The following CD38 variants were observed in gnomAD, a reference collection of about 807,000 sequenced individuals.
CD38 encodes the protein CD38 molecule.
CD38 carries 31 observed loss-of-function variants against 36.3 expected under a neutral mutation model. The ratio of observed to expected loss-of-function variants is 0.85; its 90% CI spans 0.64 to 1.15. The LOEUF (loss-of-function observed/expected upper bound fraction) is 1.15. Ranked by LOEUF, CD38 falls within the 50% of genes most tolerant of loss-of-function variation. The probability of loss-of-function intolerance (pLI) is 0.00; values close to 1 mark genes in which losing one functional copy is unlikely to be tolerated. For missense variants in CD38, 380 were observed against 371.9 expected (o/e 1.02, Z -0.18); for synonymous variants, 131 against 135.2 (o/e 0.97, Z 0.22).
intron 1 of CD38, among the ~76,000 whole-genome samples, chr4:15,803,797 TCCTC>T (rs1378829892): frequency 6.6e-6 from 1 of 152,066 alleles, no homozygotes; most frequent in Non-Finnish European, 1.5e-5. Flanking sequence ...AACCCTTCCT[TCCTC>T]CTTCCCTCCC....
chr4:15,789,420 G>T (rs1041680227), intron 1 of CD38, among the ~76,000 whole-genome samples: 1 of 152,148 alleles, frequency 6.6e-6, no homozygotes, highest in African/African-American at 2.4e-5. Context: ...TCAGTTCAAA[G>T]AACATCTTGA....
chr4:15,842,005 G>A (rs1046711894), intron 7 of CD38, among the ~76,000 whole-genome samples: 1 of 142,882 alleles, frequency 7.0e-6, no homozygotes, highest in Non-Finnish European at 1.5e-5. Flanking sequence ...CATTGCCCAG[G>A]CTTGATTAGG....
rs2148930725 is a variant in CD38 at position 15,850,445 on chromosome 4, T to C, written c.*1843T>C. ...GCATTTCTGGATTCATATTTTGACA[T>C]CATGCTGTCATCTTGAACAAAATGC... On this transcript the variant is annotated 3_prime_UTR_variant, in exon 8 of 8. Transcript: ENST00000226279. 6.6e-6 allele frequency: 1 copy of C among 152,340 alleles called. No individual in the cohort carries two copies. Among genetic ancestry groups the C allele is most frequent in the African/African-American group, 2.4e-5 (1 of 41,588 alleles). The allele number at this position is 152,340 out of a possible 1,614,324, so 9.4% of individuals were successfully genotyped here. A position where few individuals can be genotyped will look rare whatever the true frequency, so the allele number is the denominator to read the frequency against.
intron 1 of CD38, among the ~76,000 whole-genome samples, chr4:15,802,654 T>G (rs1319176374): frequency 6.6e-6 from 1 of 152,000 alleles, no homozygotes; most frequent in Non-Finnish European, 1.5e-5. Flanking sequence ...CCTCCTGGGT[T>G]CAAGCAATTC....
At chr4:15,782,790 G>A (rs1043257614) in intron 1 of CD38, among the ~76,000 whole-genome samples, 4 of 152,074 alleles carry the variant, frequency 2.6e-5, no homozygotes, top group African/African-American at 9.7e-5. Flanking sequence ...CCTTTTCCTT[G>A]GTTGTCCTTT....
At chr4:15,805,601 T>C (rs948324903) in intron 1 of CD38, among the ~76,000 whole-genome samples, 3 of 152,226 alleles carry the variant, frequency 2.0e-5, no homozygotes, top group Non-Finnish European at 4.4e-5. Context: ...CAGAGACCTG[T>C]GTTTTGTTCA....
chr4:15,853,200 G>A lies in CD38; in HGVS notation c.*4598G>A, dbSNP rs1724436767. Reference sequence around the variant, plus strand: ...AAATTTATTTGTAACAGACAAAAATGAATTAAACAAACAATAAAAGTATAA... The same window carrying A: ...AAATTTATTTGTAACAGACAAAAATAAATTAAACAAACAATAAAAGTATAA... On this transcript the variant is annotated 3_prime_UTR_variant, in exon 8 of 8. Coordinates refer to ENST00000226279, the MANE Select transcript of CD38 (RefSeq NM_001775.4). 6.6e-6 allele frequency: 1 copy of A among 152,138 alleles called. No homozygotes were observed. The highest frequency in any genetic ancestry group is 1.5e-5 in the Non-Finnish European group (1 of 68,020). 9.4% of individuals were successfully genotyped at this position (152,138 alleles called of 1,614,324 possible). A position where few individuals can be genotyped will look rare whatever the true frequency, so the allele number is the denominator to read the frequency against.
At chr4:15,818,706 G>A (rs1723663020) in intron 2 of CD38, among the ~76,000 whole-genome samples, 1 of 152,148 alleles carries the variant, frequency 6.6e-6, no homozygotes, top group African/African-American at 2.4e-5. Context: ...GATACCTTCA[G>A]GTGCGGGAGG....
At chr4:15,815,873 C>T (rs543508159) in intron 1 of CD38, among the ~76,000 whole-genome samples, 1 of 152,128 alleles carries the variant, frequency 6.6e-6, no homozygotes, top group African/African-American at 2.4e-5. Flanking sequence ...CAGCTTTTGC[C>T]CATTTAGTAT....
intron 1 of CD38, among the ~76,000 whole-genome samples, chr4:15,802,825 A>G (rs924828257): frequency 6.6e-6 from 1 of 152,152 alleles, no homozygotes; most frequent in African/African-American, 2.4e-5. Flanking sequence ...TATTACAGGC[A>G]TGAGCCTCTG....
intron 1 of CD38, among the ~76,000 whole-genome samples, chr4:15,788,905 G>C (rs1348958775): frequency 6.6e-6 from 1 of 152,138 alleles, no homozygotes; most frequent in Non-Finnish European, 1.5e-5. Flanking sequence ...AGCTATAAAC[G>C]TTGGGGATTT....
chr4:15,798,151 C>G (rs1166688978), intron 1 of CD38, among the ~76,000 whole-genome samples: 1 of 152,172 alleles, frequency 6.6e-6, no homozygotes, highest in East Asian at 1.9e-4. Flanking sequence ...CCACCTTGGC[C>G]TCCCAAAGTG....
intron 1 of CD38, among the ~76,000 whole-genome samples, chr4:15,792,467 A>AAAAAAAAAAAAAAAAACAAT: frequency 6.7e-6 from 1 of 149,172 alleles, no homozygotes; most frequent in East Asian, 2.0e-4. Flanking sequence ...AGAAAAAAAA[A>AAAAAAAAAAAAAAAAACAAT]GAAAAGAAAA....
chr4:15,797,423 T>C (rs1723125155), intron 1 of CD38, among the ~76,000 whole-genome samples: 1 of 152,226 alleles, frequency 6.6e-6, no homozygotes, highest in Admixed American at 6.5e-5. Context: ...TAAACAATGC[T>C]AAAGCATACA....
In CD38 at chr4:15,839,244, G is replaced by A. The variant is rs184475485; in HGVS notation, c.660-782G>A. 2.1e-4 allele frequency among the ~76,000 whole-genome samples: 32 copies of A among 152,168 alleles called. No homozygotes were observed. In the East Asian group the frequency reaches 6.0e-3, roughly 28 times the overall value. On this transcript the variant is annotated intron_variant, in intron 5 of 7. Transcript: ENST00000226279. ...ATTATGGTTCAAGCACTTGAAACAGGAGTGTCAGTTGTCAGAGACTAACAG... is the reference window on the plus strand; with the variant it reads ...ATTATGGTTCAAGCACTTGAAACAGAAGTGTCAGTTGTCAGAGACTAACAG...
At chr4:15,842,039 G>A (rs1234761740) in intron 7 of CD38, among the ~76,000 whole-genome samples, 2 of 140,546 alleles carry the variant, frequency 1.4e-5, no homozygotes, top group South Asian at 2.3e-4. Context: ...CAGGAAGCTC[G>A]AACTGGGTGG....
chr4:15,809,379 C>G (rs1040559102), intron 1 of CD38, among the ~76,000 whole-genome samples: 2 of 152,190 alleles, frequency 1.3e-5, no homozygotes, highest in Non-Finnish European at 2.9e-5. Flanking sequence ...GGGCTAGTCA[C>G]ATTTCCTTTA....
At chr4:15,789,250 A>G (rs914320305) in intron 1 of CD38, among the ~76,000 whole-genome samples, 5 of 152,378 alleles carry the variant, frequency 3.3e-5, no homozygotes, top group Admixed American at 1.3e-4. Context: ...TAAACAAAAC[A>G]GATGAAATTC....
At chr4:15,816,414 T>C (rs532240199) in intron 1 of CD38, 97 bp from the exon 2 acceptor site, 10 of 1,040,298 alleles carry the variant, frequency 9.6e-6, no homozygotes, top group East Asian at 5.4e-5. Context: ...TGGCATATAA[T>C]AGATGCTTCC....
Sources: allele counts gnomAD v4.1 joint callset (sites outside exome capture counted in the v4.1 genomes callset), GRCh38; gene constraint gnomAD v4.1.1; transcripts MANE v1.5; gene names NCBI Gene and HGNC (gene_info 2026-07-23, HGNC 2026-07-21).